Variants in TMC1 observed in about 807,000 individuals in gnomAD.
TMC1 encodes the protein transmembrane channel like 1.
TMC1 carries 84 observed loss-of-function variants against 105.8 expected under a neutral mutation model. That is an observed-to-expected ratio of 0.79 (90% CI 0.67 to 0.95). The LOEUF (loss-of-function observed/expected upper bound fraction) is 0.95, where lower values mean the gene tolerates loss of function less well. Ranked by LOEUF, TMC1 falls within the 40% of genes least tolerant of loss-of-function variation. The pLI is 0.00. For missense variants in TMC1, 817 were observed against 914.1 expected (o/e 0.89, Z 1.37); for synonymous variants, 315 against 311.5 (o/e 1.01, Z -0.12).
Position 72,648,579 on chromosome 9 carries a change from T to G in TMC1, c.-52-18T>G. ...TGTGCTAGATCAAACCTGAAATATT[T>G]GTTCCTTCATCCTGCAGTCCCTCTC... On this transcript the variant is annotated intron_variant, in intron 4 of 23. Coordinates refer to ENST00000297784, the MANE Select transcript of TMC1 (RefSeq NM_138691.3). The G allele has an allele frequency of 1.4e-6, 2 of 1,398,050 alleles. No individual in the cohort carries two copies. The highest frequency in any genetic ancestry group is 1.0e-6 in the Non-Finnish European group (1 of 983,278). The allele number at this position is 1,398,050 out of a possible 1,614,324, so 86.6% of individuals were successfully genotyped here.
intron 2 of TMC1, among the ~76,000 whole-genome samples, chr9:72,589,096 GT>G (rs1333188105): frequency 6.6e-6 from 1 of 152,190 alleles, no homozygotes; most frequent in African/African-American, 2.4e-5. Context: ...TTTAGGTGGA[GT>G]TTGGGGAATG....
intron 5 of TMC1, among the ~76,000 whole-genome samples, chr9:72,681,956 A>G (rs1457312182): frequency 3.9e-5 from 6 of 152,138 alleles, no homozygotes; most frequent in Non-Finnish European, 8.8e-5. Context: ...CTGAGGGCCT[A>G]AAGAGTCTCA....
At chr9:72,659,232 A>G (rs1355041540) in intron 5 of TMC1, among the ~76,000 whole-genome samples, 1 of 152,230 alleles carries the variant, frequency 6.6e-6, no homozygotes, top group Non-Finnish European at 1.5e-5. Flanking sequence ...AATGAATCTG[A>G]ATTCTCAAAA....
chr9:72,540,600 G>C (rs1373681223), intron 1 of TMC1, among the ~76,000 whole-genome samples: 1 of 152,030 alleles, frequency 6.6e-6, no homozygotes, highest in Non-Finnish European at 1.5e-5. Flanking sequence ...TCTTATGCCT[G>C]TTTGTCTTTG....
chr9:72,584,335 A>G (rs7048288), intron 2 of TMC1, among the ~76,000 whole-genome samples: 61,320 of 150,648 alleles, frequency 0.41, 13,913 homozygotes, highest in African/African-American at 0.61. Context: ...ATGAGATCAC[A>G]GGTCACTGCA....
chr9:72,816,220 C>G lies in TMC1; in HGVS notation c.1763+10C>G. On this transcript the variant is annotated intron_variant, in intron 19 of 23. Coordinates refer to ENST00000297784, the MANE Select transcript of TMC1 (RefSeq NM_138691.3). ...ACCAAGGCATGATCTGGTAGGCCAG[C>G]TGTTGGACAGCTTATCACTTACAGA... 1 of 1,612,800 alleles carries G rather than the reference C, an allele frequency of 6.2e-7. No homozygotes were observed. Among genetic ancestry groups the G allele is most frequent in the Non-Finnish European group, 8.5e-7 (1 of 1,178,830 alleles).
intron 11 of TMC1, among the ~76,000 whole-genome samples, chr9:72,754,315 A>T (rs1025852846): frequency 3.3e-5 from 5 of 152,200 alleles, no homozygotes; most frequent in Admixed American, 3.3e-4. Context: ...CACGTTGCAG[A>T]CACCCACAAA....
chr9:72,733,026 G>A (rs1468091625), intron 8 of TMC1, among the ~76,000 whole-genome samples: 1 of 152,160 alleles, frequency 6.6e-6, no homozygotes, highest in Non-Finnish European at 1.5e-5. Flanking sequence ...GTGTGTGACA[G>A]AGCCAGGATT....
chr9:72,565,424 G>C (rs1423614109), intron 1 of TMC1, among the ~76,000 whole-genome samples: 3 of 152,190 alleles, frequency 2.0e-5, no homozygotes, highest in Admixed American at 6.5e-5. Flanking sequence ...AGCACAAATT[G>C]AAAGTGAAGA....
chr9:72,835,291 A>T (rs1332746257), intron 23 of TMC1, among the ~76,000 whole-genome samples: 1 of 152,222 alleles, frequency 6.6e-6, no homozygotes, highest in Non-Finnish European at 1.5e-5. Flanking sequence ...CACTCTGTTC[A>T]TCCCACAGTG....
At chr9:72,672,102 A>G (rs1826133570) in intron 5 of TMC1, among the ~76,000 whole-genome samples, 1 of 152,196 alleles carries the variant, frequency 6.6e-6, no homozygotes, top group Non-Finnish European at 1.5e-5. Context: ...GGTAGAATAT[A>G]TGGCAGTCCC....
At chr9:72,615,693 A>C (rs1825114056) in intron 2 of TMC1, among the ~76,000 whole-genome samples, 1 of 151,946 alleles carries the variant, frequency 6.6e-6, no homozygotes, top group Admixed American at 6.6e-5. Context: ...TTTGGAATAG[A>C]TACTCCCCAA....
intron 1 of TMC1, among the ~76,000 whole-genome samples, chr9:72,535,284 C>T (rs1478193636): frequency 6.6e-6 from 1 of 152,170 alleles, no homozygotes; most frequent in African/African-American, 2.4e-5. Flanking sequence ...AGGAAACTCT[C>T]CCAGAGCTGC....
At chr9:72,535,873 G>A (rs1394931216) in intron 1 of TMC1, among the ~76,000 whole-genome samples, 1 of 152,144 alleles carries the variant, frequency 6.6e-6, no homozygotes. Flanking sequence ...AACTAATACA[G>A]TGAGAACTCA....
At chr9:72,691,293 T>A (rs114071568) in intron 6 of TMC1, among the ~76,000 whole-genome samples, 1,673 of 152,334 alleles carry the variant, frequency 0.011, 22 homozygotes, top group African/African-American at 0.038. Context: ...GTTAAGTAAT[T>A]CATATATCTC....
At chr9:72,606,460 G>T (rs1037818516) in intron 2 of TMC1, among the ~76,000 whole-genome samples, 1 of 152,140 alleles carries the variant, frequency 6.6e-6, no homozygotes, top group Admixed American at 6.5e-5. Context: ...AACCATACAG[G>T]GGGAACTGGG....
intron 5 of TMC1, among the ~76,000 whole-genome samples, chr9:72,650,894 A>ATATATATATATATATATATATC (rs1265125231): frequency 7.0e-6 from 1 of 142,010 alleles, no homozygotes; most frequent in African/African-American, 2.6e-5. Flanking sequence ...ATATATAGAT[A>ATATATATATATATATATATATC]TATATATAAA....
At chr9:72,779,993 A>G (rs1485234946) in intron 13 of TMC1, among the ~76,000 whole-genome samples, 1 of 152,170 alleles carries the variant, frequency 6.6e-6, no homozygotes, top group Non-Finnish European at 1.5e-5. Flanking sequence ...CAAAAGAAAA[A>G]ATATTAAAGG....
At chr9:72,531,054 G>A (rs760876708) in intron 1 of TMC1, among the ~76,000 whole-genome samples, 17 of 151,752 alleles carry the variant, frequency 1.1e-4, no homozygotes, top group Non-Finnish European at 2.4e-4. Context: ...TAGCCAGGAT[G>A]GTCTCCATCT....
Sources: gnomAD v4.1 joint callset for allele counts (sites outside exome capture counted in the v4.1 genomes callset) on GRCh38, gnomAD v4.1.1 for gene constraint, MANE v1.5 for transcripts, NCBI Gene and HGNC (gene_info 2026-07-23, HGNC 2026-07-21) for gene names.